Variants in NRG3 observed in about 807,000 individuals in gnomAD.
NRG3 encodes pro-neuregulin-3, membrane-bound isoform.
A neutral mutation model predicts 66.9 loss-of-function variants in NRG3; 31 were observed. The observed-to-expected ratio is 0.46, with a 90% confidence interval of 0.35 to 0.63. NRG3 has a LOEUF of 0.63. Ranked by LOEUF, NRG3 falls within the 20% of genes least tolerant of loss-of-function variation. The pLI is 0.00. For missense variants in NRG3, 910 were observed against 878.9 expected (o/e 1.04, Z -0.45); for synonymous variants, 393 against 359.4 (o/e 1.09, Z -1.06).
chr10:82,314,219 T>G (rs1018559630), intron 1 of NRG3, among the ~76,000 whole-genome samples: 1 of 152,202 alleles, frequency 6.6e-6, no homozygotes, highest in Non-Finnish European at 1.5e-5. Context: ...CTCATTAGCT[T>G]GACAACAGAA....
intron 1 of NRG3, among the ~76,000 whole-genome samples, chr10:81,879,032 A>G (rs1436510585): frequency 1.3e-5 from 2 of 152,206 alleles, no homozygotes; most frequent in Non-Finnish European, 2.9e-5. Context: ...TTCTGTAGGA[A>G]TAAAGACAAA....
chr10:82,642,710 TCAAA>T (rs917490274), intron 2 of NRG3, among the ~76,000 whole-genome samples: 66 of 152,002 alleles, frequency 4.3e-4, no homozygotes, highest in African/African-American at 1.5e-3. Flanking sequence ...AATAAAAATA[TCAAA>T]CAATTGTGAA....
intron 1 of NRG3, among the ~76,000 whole-genome samples, chr10:82,254,639 T>A (rs958887098): frequency 4.0e-5 from 6 of 149,420 alleles, no homozygotes; most frequent in African/African-American, 1.5e-4. Context: ...AAGGAAGTGC[T>A]AAAAACAAAA....
rs186953779 is a variant in NRG3 at position 82,110,615 on chromosome 10, A to G, written c.823+234452A>G. Among the ~76,000 whole-genome samples, 42 of 152,044 alleles carry G rather than the reference A, an allele frequency of 2.8e-4. No homozygotes were observed. In the East Asian group the frequency reaches 8.1e-3, roughly 29 times the overall value. On this transcript the variant is annotated intron_variant, in intron 1 of 8. Transcript: ENST00000372141. Reference sequence around the variant, plus strand: ...CAGATATTAATATAGTTTTTTTTTAATAAGTGAGATTTTGTTATGAATTGA... The same window carrying G: ...CAGATATTAATATAGTTTTTTTTTAGTAAGTGAGATTTTGTTATGAATTGA...
At chr10:82,820,059 G>C (rs1389370133) in intron 3 of NRG3, among the ~76,000 whole-genome samples, 6 of 152,148 alleles carry the variant, frequency 3.9e-5, no homozygotes, top group African/African-American at 1.4e-4. Context: ...CTTACAGGAT[G>C]GTTTCCGAGA....
At chr10:82,157,974 C>T (rs959242942) in intron 1 of NRG3, among the ~76,000 whole-genome samples, 11 of 151,594 alleles carry the variant, frequency 7.3e-5, no homozygotes, top group Non-Finnish European at 5.9e-5. Flanking sequence ...CATCAAGGAA[C>T]GTGATTAGCA....
intron 1 of NRG3, among the ~76,000 whole-genome samples, chr10:82,008,260 G>A (rs181507608): frequency 6.6e-6 from 1 of 152,266 alleles, no homozygotes; most frequent in East Asian, 1.9e-4. Context: ...ACATAGTTTG[G>A]AAGGTCAGGG....
chr10:82,952,387 C>T (rs150203565), intron 5 of NRG3, among the ~76,000 whole-genome samples: 1 of 147,136 alleles, frequency 6.8e-6, no homozygotes, highest in Non-Finnish European at 1.5e-5. Flanking sequence ...GAGCCCAGAT[C>T]ACACTGCTAC....
At chr10:82,623,877 C>T (rs1171111337) in intron 2 of NRG3, among the ~76,000 whole-genome samples, 2 of 152,152 alleles carry the variant, frequency 1.3e-5, no homozygotes, top group African/African-American at 4.8e-5. Context: ...CCCAAATTTA[C>T]ATACAATTCT....
chr10:81,989,941 A>G (rs1222263216), intron 1 of NRG3, among the ~76,000 whole-genome samples: 1 of 152,178 alleles, frequency 6.6e-6, no homozygotes, highest in Admixed American at 6.6e-5. Context: ...GAAATGAAGT[A>G]TAAATTAGGA....
chr10:81,934,877 T>A (rs1847717593), intron 1 of NRG3, among the ~76,000 whole-genome samples: 1 of 152,226 alleles, frequency 6.6e-6, no homozygotes, highest in African/African-American at 2.4e-5. Flanking sequence ...CAGTAGCCTG[T>A]TAGCATATTA....
chr10:82,179,120 T>A (rs1229195736), intron 1 of NRG3, among the ~76,000 whole-genome samples: 1 of 151,978 alleles, frequency 6.6e-6, no homozygotes, highest in Non-Finnish European at 1.5e-5. Flanking sequence ...CTATAGGAGT[T>A]TTTTTAAAAA....
At chr10:82,562,198 A>C (rs2045094855) in intron 2 of NRG3, among the ~76,000 whole-genome samples, 1 of 152,170 alleles carries the variant, frequency 6.6e-6, no homozygotes, top group Non-Finnish European at 1.5e-5. Context: ...AATGATATTC[A>C]ATCAACAATC....
At chr10:82,331,050 G>A (rs944083042) in intron 1 of NRG3, among the ~76,000 whole-genome samples, 2 of 152,022 alleles carry the variant, frequency 1.3e-5, no homozygotes, top group African/African-American at 4.8e-5. Flanking sequence ...TGTATTCTAC[G>A]GCATGAAAAC....
At chr10:82,895,808 C>A (rs559089334) in intron 4 of NRG3, among the ~76,000 whole-genome samples, 1 of 152,278 alleles carries the variant, frequency 6.6e-6, no homozygotes, top group Admixed American at 6.5e-5. Flanking sequence ...TTTTATTTCT[C>A]ATTTTAATGT....
At chr10:82,257,488 G>A (rs2077793443) in intron 1 of NRG3, among the ~76,000 whole-genome samples, 1 of 152,128 alleles carries the variant, frequency 6.6e-6, no homozygotes, top group South Asian at 2.1e-4. Flanking sequence ...AAGAATTCTA[G>A]GCCGAGCGTG....
At chr10:82,111,061 C>T (rs2067359082) in intron 1 of NRG3, among the ~76,000 whole-genome samples, 1 of 152,158 alleles carries the variant, frequency 6.6e-6, no homozygotes, top group Admixed American at 6.5e-5. Context: ...GAAAAGAGAG[C>T]ATTCTGTGAG....
chr10:82,488,189 A>G (rs975239525), intron 2 of NRG3, among the ~76,000 whole-genome samples: 1 of 152,214 alleles, frequency 6.6e-6, no homozygotes, highest in East Asian at 1.9e-4. Context: ...GAAGTCATCA[A>G]CAAGTCATCC....
intron 2 of NRG3, among the ~76,000 whole-genome samples, chr10:82,516,529 G>A (rs933688129): frequency 2.0e-5 from 3 of 151,972 alleles, no homozygotes; most frequent in Admixed American, 6.6e-5. Context: ...TGACCTTTTG[G>A]GTAGATTTTA....
Sources: allele counts gnomAD v4.1 joint callset (sites outside exome capture counted in the v4.1 genomes callset), GRCh38; gene constraint gnomAD v4.1.1; transcripts MANE v1.5; gene names NCBI Gene and HGNC (gene_info 2026-07-23, HGNC 2026-07-21).